GRAMD2B: variants seen among roughly 807,000 people sequenced by gnomAD.
The protein encoded by GRAMD2B is GRAM domain containing 2B.
Under a neutral mutation model 59.2 loss-of-function variants are expected in GRAMD2B, and 41 were observed. The observed-to-expected ratio is 0.69, with a 90% CI of 0.54 to 0.90. The LOEUF (loss-of-function observed/expected upper bound fraction) is 0.90. GRAMD2B is among the 40% of genes least tolerant of loss of function. The pLI is 0.00. For missense variants in GRAMD2B, 424 were observed against 500.5 expected (o/e 0.85, Z 1.46); for synonymous variants, 161 against 182.7 (o/e 0.88, Z 0.96).
chr5:126,453,943 G>C (rs1017742072), intron 1 of GRAMD2B, among the ~76,000 whole-genome samples: 3 of 152,302 alleles, frequency 2.0e-5, no homozygotes, highest in Admixed American at 6.5e-5. Context: ...TAGGCAATAA[G>C]TATTAATTGC....
At chr5:126,467,446 C>A (rs1768664594) in intron 2 of GRAMD2B, 1 of 152,082 alleles carries the variant, frequency 6.6e-6, no homozygotes, top group Non-Finnish European at 1.5e-5. Context: ...CATACCCTGT[C>A]CACAGGGGCC....
intron 1 of GRAMD2B, among the ~76,000 whole-genome samples, chr5:126,418,242 G>A (rs990004152): frequency 2.0e-5 from 3 of 152,072 alleles, no homozygotes; most frequent in Non-Finnish European, 2.9e-5. Context: ...TTCACACATC[G>A]TGATCTGTAA....
rs556963449 is a variant in GRAMD2B, at chr5:126,477,658, C to G, written c.487-34C>G. 4 of 1,136,882 alleles carry G rather than the reference C, an allele frequency of 3.5e-6. No individual in the cohort carries two copies. The South Asian group carries it at 4.9e-5, about 14-fold the overall frequency. The allele number at this position is 1,136,882 out of a possible 1,614,324, so 70.4% of individuals were successfully genotyped here. A position where few individuals can be genotyped will look rare whatever the true frequency, so the allele number is the denominator to read the frequency against. Reference sequence around the variant, plus strand: ...GATTTGAAGTGCTGTTCTGTCAAGTCTGAACTGGCATTAACTTGCTGATTC... The same window carrying G: ...GATTTGAAGTGCTGTTCTGTCAAGTGTGAACTGGCATTAACTTGCTGATTC... On this transcript the variant is annotated intron_variant, in intron 5 of 13. Transcript: ENST00000285689.
rs562003658 is a variant in GRAMD2B at position 126,386,353 on chromosome 5, C to T, written c.125+14786C>T. ...TGAACATGAAATCCCCAAGGAAGCA[C>T]GTTCCAAGCTGAGTAAGAATGATAA... On this transcript the variant is annotated intron_variant, in intron 1 of 8. Transcript: ENST00000506445. 3.3e-5 allele frequency among the ~76,000 whole-genome samples: 5 copies of T among 152,328 alleles called. No individual in the cohort carries two copies. In the South Asian group the frequency reaches 8.3e-4, roughly 25 times the overall value.
chr5:126,375,021 T>C (rs542606299), intron 1 of GRAMD2B, among the ~76,000 whole-genome samples: 1 of 152,370 alleles, frequency 6.6e-6, no homozygotes, highest in Admixed American at 6.5e-5. Context: ...CTTTACGATG[T>C]TAAATATACC....
At chr5:126,465,088 T>C in intron 1 of GRAMD2B, 14 of 1,142,502 alleles carry the variant, frequency 1.2e-5, no homozygotes, top group Non-Finnish European at 1.4e-5. Flanking sequence ...TACATGTGCG[T>C]GTGTGCTTGT....
chr5:126,427,265 C>T (rs1208113870), intron 1 of GRAMD2B, among the ~76,000 whole-genome samples: 4 of 152,202 alleles, frequency 2.6e-5, no homozygotes, highest in Non-Finnish European at 5.9e-5. Flanking sequence ...TCCCCCAAAC[C>T]CCTACCCTTG....
chr5:126,412,737 C>A (rs1462036562), intron 1 of GRAMD2B, among the ~76,000 whole-genome samples: 1 of 151,974 alleles, frequency 6.6e-6, no homozygotes, highest in Non-Finnish European at 1.5e-5. Context: ...TCCATCTGAT[C>A]CAGGGCTTTC....
intron 1 of GRAMD2B, among the ~76,000 whole-genome samples, chr5:126,414,167 A>G (rs982934679): frequency 6.6e-6 from 1 of 152,158 alleles, no homozygotes; most frequent in Non-Finnish European, 1.5e-5. Context: ...AATCAAGACT[A>G]TTCCCACCAG....
chr5:126,456,958 C>T (rs534936674), intron 1 of GRAMD2B, among the ~76,000 whole-genome samples: 7 of 151,516 alleles, frequency 4.6e-5, no homozygotes, highest in Admixed American at 1.3e-4. Context: ...TTTGGGAGGC[C>T]AAGGCAGGCA....
chr5:126,471,970 T>C (rs1363868257), intron 3 of GRAMD2B, among the ~76,000 whole-genome samples: 2 of 152,238 alleles, frequency 1.3e-5, no homozygotes, highest in Non-Finnish European at 2.9e-5. Flanking sequence ...GGGACATCCT[T>C]GTCCAGCCCT....
chr5:126,426,639 T>C (rs544129456), intron 1 of GRAMD2B, among the ~76,000 whole-genome samples: 1 of 152,338 alleles, frequency 6.6e-6, no homozygotes, highest in East Asian at 1.9e-4. Flanking sequence ...AACAGTCACT[T>C]TCAAGTACCA....
intron 1 of GRAMD2B, among the ~76,000 whole-genome samples, chr5:126,390,485 C>A (rs1756630179): frequency 6.6e-6 from 1 of 152,176 alleles, no homozygotes; most frequent in South Asian, 2.1e-4. Context: ...TAGGCTGACA[C>A]TACAGTTTTT....
At chr5:126,417,939 T>C (rs554267718) in intron 1 of GRAMD2B, among the ~76,000 whole-genome samples, 11 of 152,356 alleles carry the variant, frequency 7.2e-5, no homozygotes, top group South Asian at 4.1e-4. Context: ...CCGTGAAAGC[T>C]TGGGCTCTTC....
At chr5:126,404,724 A>G (rs1288186591) in intron 1 of GRAMD2B, among the ~76,000 whole-genome samples, 2 of 151,896 alleles carry the variant, frequency 1.3e-5, no homozygotes, top group East Asian at 3.9e-4. Context: ...ATGATTAAGC[A>G]TTGATCTTGG....
At chr5:126,405,700 TC>T (rs1758205805) in intron 1 of GRAMD2B, among the ~76,000 whole-genome samples, 1 of 151,688 alleles carries the variant, frequency 6.6e-6, no homozygotes, top group African/African-American at 2.4e-5. Context: ...TTTTTTTTTT[TC>T]AATCTAGAAA....
intron 8 of GRAMD2B, among the ~76,000 whole-genome samples, chr5:126,482,620 A>G (rs145744034): frequency 2.4e-4 from 36 of 152,372 alleles, no homozygotes; most frequent in African/African-American, 8.4e-4. Context: ...ATTACATTGA[A>G]GAAATTTTCA....
chr5:126,441,645 C>G (rs1763310229), intron 1 of GRAMD2B, among the ~76,000 whole-genome samples: 1 of 152,310 alleles, frequency 6.6e-6, no homozygotes, highest in Admixed American at 6.5e-5. Context: ...ATAATGCTGG[C>G]ACACAGCAAC....
intron 1 of GRAMD2B, among the ~76,000 whole-genome samples, chr5:126,452,537 T>TG (rs1278946308): frequency 1.3e-5 from 2 of 152,192 alleles, no homozygotes; most frequent in African/African-American, 2.4e-5. Context: ...CAGGAAACCA[T>TG]GGCAGGGCCT....
Sources: gnomAD v4.1 joint callset for allele counts (sites outside exome capture counted in the v4.1 genomes callset) on GRCh38, gnomAD v4.1.1 for gene constraint, MANE v1.5 for transcripts, NCBI Gene and HGNC (gene_info 2026-07-23, HGNC 2026-07-21) for gene names.